The following IL16 variants were observed in gnomAD, a reference collection of about 807,000 sequenced individuals.
The protein encoded by IL16 is interleukin 16.
A neutral mutation model predicts 110.1 loss-of-function variants in IL16; 67 were observed. The ratio of observed to expected loss-of-function variants is 0.61; its 90% CI spans 0.50 to 0.75. The LOEUF (loss-of-function observed/expected upper bound fraction) is 0.75, where lower values mean the gene tolerates loss of function less well. Among genes scored for constraint, IL16 ranks in the 30% least tolerant of loss-of-function variants. The pLI is 0.00. For synonymous variants in IL16, 689 were observed against 662.9 expected (o/e 1.04, Z -0.61); for missense variants, 1,545 against 1,655.0 (o/e 0.93, Z 1.15).
rs144209980 is a variant in IL16, at chr15:81,293,916, GAACTGAGA to G, written c.1902+884_1902+891del. 6.1e-3 allele frequency among the ~76,000 whole-genome samples: 936 copies of G among 152,262 alleles called. 7 individuals carry two copies. The highest frequency in any genetic ancestry group is 0.018 in the African/African-American group (745 of 41,536). On this transcript the variant is annotated intron_variant, in intron 12 of 18. Transcript: ENST00000683961. ...TGAGAGTCCCAGTTGTGCAAAGAGGGAACTGAGAAACTCGCTCAAGTTCACATTGCTAG... is the reference window on the plus strand; with the variant it reads ...TGAGAGTCCCAGTTGTGCAAAGAGGGAACTCGCTCAAGTTCACATTGCTAG...
At chr15:81,269,756 G>T in intron 5 of IL16, 108 bp downstream of exon 5, 1 of 746,846 alleles carries the variant, frequency 1.3e-6, no homozygotes. Flanking sequence ...GTGTCCTGGC[G>T]CATCAGAAGA....
intron 1 of IL16, among the ~76,000 whole-genome samples, chr15:81,201,809 C>T (rs1895825372): frequency 1.3e-5 from 2 of 152,160 alleles, no homozygotes; most frequent in African/African-American, 4.8e-5. Flanking sequence ...TTTATTCTAG[C>T]ATCAGACACA....
In IL16 at chr15:81,225,785, C is replaced by T. The variant is rs1023552420; in HGVS notation, c.312+74C>T. 3.9e-6 allele frequency: 5 copies of T among 1,280,022 alleles called. No homozygotes were observed. In the African/African-American group the frequency reaches 4.5e-5, roughly 12 times the overall value. The allele number at this position is 1,280,022 out of a possible 1,614,324, so 79.3% of individuals were successfully genotyped here. On this transcript the variant is annotated intron_variant, in intron 2 of 18. Coordinates refer to ENST00000683961, the MANE Select transcript of IL16 (RefSeq NM_172217.5). ...TGCTGTGAATTAAAGTCTTTGAATC[C>T]ATTTATTCAAAAATCATGAAGCTGC... is the stretch of plus-strand genomic sequence containing the variant.
chr15:81,274,391 C>T (rs1057405131), intron 6 of IL16, among the ~76,000 whole-genome samples: 25 of 152,352 alleles, frequency 1.6e-4, no homozygotes, highest in African/African-American at 4.8e-4. Flanking sequence ...CTCGAGCACG[C>T]TCATCCACGT....
chr15:81,192,334 C>G (rs1005518838), upstream of IL16, among the ~76,000 whole-genome samples: 1 of 152,172 alleles, frequency 6.6e-6, no homozygotes, highest in African/African-American at 2.4e-5. Context: ...GGTGCAGTGG[C>G]TCATGCCTAT....
intron 6 of IL16, among the ~76,000 whole-genome samples, chr15:81,273,625 A>G (rs1393401783): frequency 1.3e-5 from 2 of 151,954 alleles, no homozygotes; most frequent in African/African-American, 4.8e-5. Flanking sequence ...CCACAACCAT[A>G]GGGAAACCAG....
At chr15:81,188,225 A>G in intron 1 of IL16, 1 of 423,906 alleles carries the variant, frequency 2.4e-6, no homozygotes, top group South Asian at 1.7e-5. Context: ...AATAGATTGC[A>G]GGTAGTGTCG....
intron 2 of IL16, among the ~76,000 whole-genome samples, chr15:81,244,297 C>T (rs1005323145): frequency 4.6e-5 from 7 of 152,114 alleles, no homozygotes; most frequent in African/African-American, 1.2e-4. Flanking sequence ...TCCTTCCTGA[C>T]GTTTTAAGAT....
chr15:81,280,538 G>A (rs760186470), intron 8 of IL16, among the ~76,000 whole-genome samples: 10 of 152,198 alleles, frequency 6.6e-5, no homozygotes, highest in Non-Finnish European at 5.9e-5. Flanking sequence ...GGTTCTTCAC[G>A]GAGAATGGCC....
intron 13 of IL16, among the ~76,000 whole-genome samples, chr15:81,298,033 C>CTCAAT (rs1900078868): frequency 1.3e-5 from 2 of 152,212 alleles, no homozygotes; most frequent in South Asian, 4.1e-4. Flanking sequence ...GAGGAACATT[C>CTCAAT]TAGCAAAAGC....
chr15:81,236,805 A>G (rs1030934339), intron 2 of IL16, among the ~76,000 whole-genome samples: 1 of 152,138 alleles, frequency 6.6e-6, no homozygotes, highest in Non-Finnish European at 1.5e-5. Flanking sequence ...AAATACACAA[A>G]AATTAGCCAG....
chr15:81,209,756 T>TCTGCCTACCTCCCTGC (rs1896167085), intron 1 of IL16, among the ~76,000 whole-genome samples: 1 of 152,286 alleles, frequency 6.6e-6, no homozygotes, highest in Admixed American at 6.5e-5. Context: ...CCATGTCCTG[T>TCTGCCTACCTCCCTGC]CTGCCTACCT....
chr15:81,204,401 C>G (rs1010748404), intron 1 of IL16, among the ~76,000 whole-genome samples: 1 of 152,064 alleles, frequency 6.6e-6, no homozygotes, highest in Non-Finnish European at 1.5e-5. Context: ...GTCTTGTGCC[C>G]GTTTTCAAAG....
intron 3 of IL16, among the ~76,000 whole-genome samples, chr15:81,262,081 G>A (rs923871075): frequency 6.6e-6 from 1 of 151,912 alleles, no homozygotes; most frequent in Non-Finnish European, 1.5e-5. Flanking sequence ...CCCGAAAAGA[G>A]GTGAAGTTAA....
At chr15:81,286,532 G>A (rs994725073) in intron 10 of IL16, among the ~76,000 whole-genome samples, 8 of 152,182 alleles carry the variant, frequency 5.3e-5, no homozygotes, top group African/African-American at 1.9e-4. Context: ...ACTGCAGAGG[G>A]CTTTCAACAG....
At chr15:81,286,318 A>G (rs577755834) in intron 10 of IL16, among the ~76,000 whole-genome samples, 16 of 152,244 alleles carry the variant, frequency 1.1e-4, no homozygotes, top group Non-Finnish European at 1.9e-4. Flanking sequence ...AATGGTTGAT[A>G]AAGTAAAAAA....
chr15:81,306,605 CA>C (rs1266868173), intron 18 of IL16, 60 bp downstream of exon 18: 1 of 1,599,004 alleles, frequency 6.3e-7, no homozygotes, highest in Non-Finnish European at 8.5e-7. Flanking sequence ...GCCAGGCCCC[CA>C]AAAGGCTTCT....
intron 4 of IL16, among the ~76,000 whole-genome samples, 196 bp downstream of exon 4, chr15:81,265,997 AT>A (rs1898368150): frequency 6.6e-6 from 1 of 152,212 alleles, no homozygotes; most frequent in African/African-American, 2.4e-5. Context: ...ATGGTCATCC[AT>A]TGAGCGCCCC....
At position 81,292,715 on chromosome 15, in the gene IL16, G is replaced by T. The variant is rs763705866; in HGVS notation, c.1580G>T (p.Ser527Ile). 6.2e-7 allele frequency: 1 copy of T among 1,614,188 alleles called. No individual in the cohort carries two copies. Among genetic ancestry groups the T allele is most frequent in the South Asian group, 1.1e-5 (1 of 91,086 alleles). The change falls in exon 12 of 19, where the codon AGT (serine) becomes ATT (isoleucine). Residue 527 changes from serine to isoleucine, a missense_variant. Ser to Ile is a moderately radical substitution (Grantham distance 142). Coordinates refer to ENST00000683961, the MANE Select transcript of IL16 (RefSeq NM_172217.5). ...MSGSPGGSPG[S>I]GSAEKPSSDV... The stretch of plus-strand genomic sequence containing the variant: ...GGGTCCCCAGGGGGAAGTCCTGGGA[G>T]TGGCAGTGCTGAGAAGCCGTCCTCT...
Sources: gnomAD v4.1 joint callset for allele counts (sites outside exome capture counted in the v4.1 genomes callset) on GRCh38, gnomAD v4.1.1 for gene constraint, MANE v1.5 for transcripts, NCBI Gene and HGNC (gene_info 2026-07-23, HGNC 2026-07-21) for gene names.